Variants in TEP1 observed in about 807,000 individuals in gnomAD.
TEP1 encodes telomerase associated protein 1.
Under a neutral mutation model 306.3 loss-of-function variants are expected in TEP1, and 241 were observed. That is an observed-to-expected ratio of 0.79 (90% CI 0.71 to 0.88). The LOEUF is 0.88. Ranked by LOEUF, TEP1 falls within the 40% of genes least tolerant of loss-of-function variation. TEP1 has a pLI of 0.00. For synonymous variants in TEP1, 1,289 were observed against 1,305.5 expected (o/e 0.99, Z 0.27); for missense variants, 3,051 against 3,276.1 (o/e 0.93, Z 1.68).
intron 1 of TEP1, among the ~76,000 whole-genome samples, chr14:20,409,634 G>C (rs1350046254): frequency 6.6e-6 from 1 of 152,122 alleles, no homozygotes; most frequent in Non-Finnish European, 1.5e-5. Flanking sequence ...AAGTGAGACA[G>C]ACTTTACTTT....
intron 44 of TEP1, 21 bp downstream of exon 44, chr14:20,374,408 G>T (rs757623855): frequency 1.3e-5 from 20 of 1,591,864 alleles, no homozygotes; most frequent in Admixed American, 6.8e-5. Context: ...CCCCCCAGTG[G>T]GATCTCCATT....
chr14:20,411,598 C>G (rs1879683904), intron 1 of TEP1, among the ~76,000 whole-genome samples: 2 of 152,148 alleles, frequency 1.3e-5, no homozygotes, highest in South Asian at 2.1e-4. Context: ...GAGAGAGACC[C>G]TTTTAGCCTT....
rs1248636019 is a variant in TEP1, at chr14:20,408,336, T to A, written c.104A>T (p.His35Leu). 1 of 1,613,330 alleles carries A rather than the reference T, an allele frequency of 6.2e-7. No homozygotes were observed. Among genetic ancestry groups the A allele is most frequent in the African/African-American group, 1.3e-5 (1 of 74,638 alleles). Residue 35 changes from histidine to leucine, a missense_variant, in exon 2 of 55, where the codon CAT (histidine) becomes CTT (leucine). His to Leu is a moderately conservative substitution (Grantham distance 99). Transcript: ENST00000262715. Reference protein sequence around the residue: ...LPDLQPLEKLHQHVSTHSDIL... With the variant: ...LPDLQPLEKLLQHVSTHSDIL... The stretch of plus-strand genomic sequence containing the variant: ...ATCTGAGTGGGTAGATACATGCTGA[T>A]GTAGTTTCTCCAAGGGCTGTAAGTC...
Position 20,378,775 on chromosome 14 carries a change from C to T in TEP1, c.5331G>A (p.Val1777=), listed in dbSNP as rs1457502716. 1 of 1,614,238 alleles carries T rather than the reference C, an allele frequency of 6.2e-7. No individual in the cohort carries two copies. Among genetic ancestry groups the T allele is most frequent in the Non-Finnish European group, 8.5e-7 (1 of 1,180,034 alleles). Residue 1777 remains valine (V), a synonymous_variant, in exon 37 of 55, where the codon GTG becomes GTA. Coordinates refer to ENST00000262715, the MANE Select transcript of TEP1 (RefSeq NM_007110.5). ...TTACCTTTAGGCATCCTCCCAAGCACACGGTGGCTAGCAGCCGGCAGTCTG... is the reference window on the plus strand; with the variant it reads ...TTACCTTTAGGCATCCTCCCAAGCATACGGTGGCTAGCAGCCGGCAGTCTG... ...LSPDCRLLAT[V]CLGGCLKLWD...
At chr14:20,371,711 T>C in intron 49 of TEP1, 79 bp from the exon 50 acceptor site, 1 of 1,461,076 alleles carries the variant, frequency 6.8e-7, no homozygotes, top group Non-Finnish European at 9.1e-7. Flanking sequence ...CCACATGAAT[T>C]CCTCAGGAAT....
chr14:20,372,362 ATGTGTGTGTGTGTGTGTATGTGTG>A (rs1370327717), intron 49 of TEP1, among the ~76,000 whole-genome samples: 34 of 135,072 alleles, frequency 2.5e-4, no homozygotes, highest in East Asian at 1.1e-3. Flanking sequence ...CCCCAGGAAT[ATGTGTGTGTGTGTGTGTATGTGTG>A]TGTGTGTGTG....
In TEP1 at chr14:20,401,529, G is replaced by A. The variant is rs2139173514; in HGVS notation, c.1319C>T (p.Thr440Ile). The A allele has an allele frequency of 1.2e-6, 2 of 1,614,196 alleles. No individual in the cohort carries two copies. Among genetic ancestry groups the A allele is most frequent in the East Asian group, 2.2e-5 (1 of 44,882 alleles). ...VSEKKNPPRF[T>I]LKKLVQRLHI... ...CAGTCGCTGAACCAGCTTCTTCAGG[G>A]TGAACCTTGGAGGATTCTTTTTCTC... Residue 440 changes from threonine to isoleucine, a missense_variant, in exon 8 of 55, where the codon ACC (threonine) becomes ATC (isoleucine). Transcript: ENST00000262715.
At chr14:20,369,867 C>A in intron 51 of TEP1, 88 bp from the exon 52 acceptor site, 5 of 991,998 alleles carry the variant, frequency 5.0e-6, no homozygotes, top group South Asian at 3.1e-5. Context: ...CTGGGCTGGT[C>A]AGGAATTTTT....
intron 35 of TEP1, 140 bp downstream of exon 35, chr14:20,379,790 A>G: frequency 8.6e-7 from 1 of 1,164,056 alleles, no homozygotes; most frequent in East Asian, 2.6e-5. Flanking sequence ...TTTTTGGCCA[A>G]GCCCTTTGAG....
intron 1 of TEP1, among the ~76,000 whole-genome samples, chr14:20,412,357 A>AGG (rs1879736175): frequency 1.3e-5 from 2 of 152,098 alleles, no homozygotes; most frequent in African/African-American, 4.8e-5. Flanking sequence ...CCTATCCTTA[A>AGG]AAGGACAGTC....
chr14:20,389,417 G>A, intron 16 of TEP1, 120 bp from the exon 17 acceptor site: 23 of 1,422,150 alleles, frequency 1.6e-5, no homozygotes, highest in Non-Finnish European at 2.3e-5. Flanking sequence ...TATGTGGTAG[G>A]CTAGGGCTAG....
rs1241544388 is a variant in TEP1, at chr14:20,380,408, C to T, written c.4830G>A (p.Leu1610=). The change falls in exon 34 of 55, where the codon CTG becomes CTA. Residue 1610 remains leucine (L), a synonymous_variant. Coordinates refer to ENST00000262715, the MANE Select transcript of TEP1 (RefSeq NM_007110.5). ...EADVAVFRTF[L]RQQASILSQY... is the part of the protein sequence containing the mutation. ...GGCTGAGGATTGAAGCCTGCTGCCT[C>T]AGGAAGGTGCGAAACACTGCAACGT... 1 of 1,614,162 alleles carries T rather than the reference C, an allele frequency of 6.2e-7. No homozygotes were observed. Among genetic ancestry groups the T allele is most frequent in the East Asian group, 2.2e-5 (1 of 44,876 alleles).
Position 20,380,978 on chromosome 14 carries a change from A to T in TEP1, c.4715T>A (p.Leu1572Ter). 1 of 1,614,134 alleles carries T rather than the reference A, an allele frequency of 6.2e-7. No individual in the cohort carries two copies. The highest frequency in any genetic ancestry group is 8.5e-7 in the Non-Finnish European group (1 of 1,180,020). The change falls in exon 33 of 55, where the codon TTG (leucine) becomes TAG (stop). Residue 1572 changes from leucine to a stop codon, truncating the protein, a stop_gained. Coordinates refer to ENST00000262715, the MANE Select transcript of TEP1 (RefSeq NM_007110.5). LOFTEE classifies it high-confidence loss of function. ...GAGCCGAGAGACCAGACCCAATTCC[A>T]AGTGTGCAGCCACCACATGGAGGTT... Reference protein sequence around the residue: ...LTNLHVVAAHLELGLVSRLLE... With the variant: ...LTNLHVVAAH
rs1366003167 is a variant in TEP1 at position 20,396,726 on chromosome 14, A to G, written c.1554T>C (p.Asn518=). The change falls in exon 10 of 55, where the codon AAT becomes AAC. Residue 518 remains asparagine (N), a synonymous_variant. Transcript: ENST00000262715. ...KASVWEELIE[N]GKLPFMAMLR... ...GCATGGCCATGAAGGGAAGCTTCCC[A>G]TTTTCTGTGGAATGTGGGGCATAGA... 6.2e-7 allele frequency: 1 copy of G among 1,603,948 alleles called. No individual in the cohort carries two copies. Among genetic ancestry groups the G allele is most frequent in the Non-Finnish European group, 8.5e-7 (1 of 1,173,046 alleles).
intron 36 of TEP1, 36 bp downstream of exon 36, chr14:20,378,945 G>A (rs1178097043): frequency 1.2e-6 from 2 of 1,613,946 alleles, no homozygotes; most frequent in South Asian, 2.2e-5. Flanking sequence ...AATGGGGAAG[G>A]CCCTCATTCC....
chr14:20,412,948 C>T (rs534857405), intron 1 of TEP1, among the ~76,000 whole-genome samples: 1 of 152,136 alleles, frequency 6.6e-6, no homozygotes, highest in East Asian at 1.9e-4. Context: ...CGTGAACCAC[C>T]GCGCCCGGCC....
intron 1 of TEP1, among the ~76,000 whole-genome samples, chr14:20,410,295 T>C (rs1451147350): frequency 2.0e-5 from 3 of 152,088 alleles, no homozygotes; most frequent in Non-Finnish European, 4.4e-5. Context: ...ACATACTGTA[T>C]ATAGATTTGT....
chr14:20,381,321 AAGGC>A lies in TEP1; in HGVS notation c.4635_4638del (p.Pro1546ThrfsTer64), dbSNP rs1449050577. Reference sequence around the variant, plus strand: ...GGGGTCTAGGAACTAACCAGGTGGTAAGGCAGGTCTCCCAGAGCCTCAGGAGGGC... The same window carrying A: ...GGGGTCTAGGAACTAACCAGGTGGTAAGGTCTCCCAGAGCCTCAGGAGGGC... On this transcript the variant is annotated frameshift_variant, in exon 32 of 55. Coordinates refer to ENST00000262715, the MANE Select transcript of TEP1 (RefSeq NM_007110.5). LOFTEE classifies it high-confidence loss of function. The surrounding 1 kb of genome is among the most constrained non-coding windows in gnomAD (Gnocchi z 4.0). The A allele has an allele frequency of 1.2e-6, 2 of 1,614,154 alleles. No homozygotes were observed. Among genetic ancestry groups the A allele is most frequent in the Admixed American group, 3.3e-5 (2 of 60,028 alleles).
intron 51 of TEP1, 139 bp from the exon 52 acceptor site, chr14:20,369,918 A>T (rs28445031): frequency 0.25 from 125,084 of 509,420 alleles, 16,296 homozygotes; most frequent in African/African-American, 0.44. Flanking sequence ...AAGTGCGCAA[A>T]TTTTTTTTTT....
Sources: allele counts gnomAD v4.1 joint callset (sites outside exome capture counted in the v4.1 genomes callset), GRCh38; gene constraint gnomAD v4.1.1; non-coding constraint Gnocchi (gnomAD v3.1); transcripts MANE v1.5; gene names NCBI Gene and HGNC (gene_info 2026-07-23, HGNC 2026-07-21).